The following AJAP1 variants were observed in gnomAD, a reference collection of about 807,000 sequenced individuals.
The protein encoded by AJAP1 is adherens junction-associated protein 1.
A neutral mutation model predicts 35.0 loss-of-function variants in AJAP1; 5 were observed. The ratio of observed to expected loss-of-function variants is 0.14; its 90% CI spans 0.07 to 0.30. The LOEUF (loss-of-function observed/expected upper bound fraction) is 0.30. Ranked by LOEUF, AJAP1 falls within the 10% of genes least tolerant of loss-of-function variation. AJAP1 has a pLI of 1.00. For missense variants in AJAP1, 586 were observed against 571.0 expected, an observed-to-expected ratio of 1.03 and a Z score of -0.27; for synonymous variants, 284 against 249.3, an observed-to-expected ratio of 1.14 and a Z score of -1.31.
chr1:4,681,596 G>T (rs1017434853), intron 1 of AJAP1, among the ~76,000 whole-genome samples: 2 of 152,266 alleles, frequency 1.3e-5, no homozygotes, highest in Admixed American at 6.5e-5. Context: ...GGGGCAGAGA[G>T]CACAGGCTTA....
At position 4,712,549 on chromosome 1, in the gene AJAP1, A is replaced by G. The variant is rs1184534020; in HGVS notation, c.679A>G (p.Thr227Ala). 1 of 1,611,784 alleles carries G rather than the reference A, an allele frequency of 6.2e-7. No individual in the cohort carries two copies. Among genetic ancestry groups the G allele is most frequent in the African/African-American group, 1.3e-5 (1 of 74,822 alleles). ...AATTTTTTTA[T>A]PMTLQTKGFT... is the part of the protein sequence containing the mutation. ...CACCACCACCACCACCACCACGGCC[A>G]CCCCCATGACGCTGCAGACTAAGGG... is the stretch of plus-strand genomic sequence containing the variant. Residue 227 changes from threonine (T) to alanine (A), a missense_variant, in exon 2 of 6, where the codon ACC becomes GCC. By Grantham distance (58) the Thr-to-Ala change is moderately conservative. Transcript: ENST00000378191.
intron 2 of AJAP1, among the ~76,000 whole-genome samples, chr1:4,765,836 T>C (rs1641671932): frequency 6.6e-6 from 1 of 152,156 alleles, no homozygotes; most frequent in Non-Finnish European, 1.5e-5. Flanking sequence ...TGGCTTCATA[T>C]GGACAAACCC....
At chr1:4,682,780 GATGAGGATAGTGGTAATGATGATA>G (rs1557606901) in intron 1 of AJAP1, among the ~76,000 whole-genome samples, 1 of 152,160 alleles carries the variant, frequency 6.6e-6, no homozygotes, top group African/African-American at 2.4e-5. Flanking sequence ...TGATGTTGGG[GATGAGGATAGTGGTAATGATGATA>G]ATGATGATAG....
At chr1:4,753,102 A>G (rs1641356539) in intron 2 of AJAP1, among the ~76,000 whole-genome samples, 2 of 152,160 alleles carry the variant, frequency 1.3e-5, no homozygotes, top group Non-Finnish European at 2.9e-5. Context: ...GGCGTTTTAT[A>G]TCATTGCTGC....
intron 4 of AJAP1, among the ~76,000 whole-genome samples, chr1:4,773,479 C>A (rs1641883668): frequency 6.6e-6 from 1 of 152,222 alleles, no homozygotes; most frequent in African/African-American, 2.4e-5. Flanking sequence ...GAAATACCTT[C>A]TGGCCACGCC....
intron 1 of AJAP1, among the ~76,000 whole-genome samples, chr1:4,677,253 T>C (rs918098613): frequency 6.6e-6 from 1 of 152,122 alleles, no homozygotes; most frequent in Non-Finnish European, 1.5e-5. Context: ...AAGTGACATG[T>C]GGCTGGGATG....
intron 1 of AJAP1, among the ~76,000 whole-genome samples, chr1:4,676,259 A>AT (rs1050529216): frequency 1.3e-5 from 2 of 151,806 alleles, no homozygotes; most frequent in Non-Finnish European, 2.9e-5. Flanking sequence ...CGCATTCTTT[A>AT]TTTTTTTTAA....
At chr1:4,713,623 C>T (rs3766954) in intron 2 of AJAP1, among the ~76,000 whole-genome samples, 27,636 of 152,210 alleles carry the variant, frequency 0.18, 2,974 homozygotes, top group East Asian at 0.29. Context: ...CTGGGCACCC[C>T]GTCACCCTCA....
chr1:4,663,767 T>G (rs1254907443), intron 1 of AJAP1, among the ~76,000 whole-genome samples: 1 of 152,150 alleles, frequency 6.6e-6, no homozygotes, highest in Non-Finnish European at 1.5e-5. Context: ...CGGTAGTTGC[T>G]TCTTCGAGCT....
chr1:4,767,876 G>A (rs868076427), intron 2 of AJAP1, among the ~76,000 whole-genome samples: 100 of 152,172 alleles, frequency 6.6e-4, no homozygotes, highest in Admixed American at 1.5e-3. Context: ...GACTGAACAG[G>A]CAACCCACCC....
chr1:4,721,775 A>G (rs1357186093), intron 2 of AJAP1, among the ~76,000 whole-genome samples: 1 of 152,186 alleles, frequency 6.6e-6, no homozygotes. Context: ...CGAGTTTGTG[A>G]TGGATTTTGT....
Position 4,787,506 on chromosome 1 carries a change from A to G in AJAP1, c.*5021A>G, listed in dbSNP as rs1029142989. ...GCCTTAGTCTTAGCTCTTGGATAAA[A>G]TGCAGTGCAGCACTGAAGATAAGAC... On this transcript the variant is annotated 3_prime_UTR_variant, in exon 6 of 6. Transcript: ENST00000378191. The G allele has an allele frequency of 1.8e-5, 6 of 334,006 alleles. No individual in the cohort carries two copies. The highest frequency in any genetic ancestry group is 4.1e-5 in the Admixed American group (1 of 24,312). The allele number at this position is 334,006 out of a possible 1,614,324, so 20.7% of individuals were successfully genotyped here. A position where few individuals can be genotyped will look rare whatever the true frequency, so the allele number is the denominator to read the frequency against.
intron 5 of AJAP1, among the ~76,000 whole-genome samples, chr1:4,778,154 T>C (rs1459131981): frequency 6.6e-6 from 1 of 152,192 alleles, no homozygotes; most frequent in East Asian, 1.9e-4. Flanking sequence ...AGAATCTCCT[T>C]CCAGGCAGCA....
At chr1:4,747,733 A>ATC (rs1570188569) in intron 2 of AJAP1, among the ~76,000 whole-genome samples, 1 of 152,100 alleles carries the variant, frequency 6.6e-6, no homozygotes, top group African/African-American at 2.4e-5. Flanking sequence ...CTCACCTGTA[A>ATC]TCCCAGCACT....
intron 2 of AJAP1, among the ~76,000 whole-genome samples, chr1:4,726,342 A>G (rs902695673): frequency 6.6e-6 from 1 of 152,168 alleles, no homozygotes; most frequent in Non-Finnish European, 1.5e-5. Flanking sequence ...TGCATGCGGT[A>G]TTCCAACATC....
At chr1:4,708,030 T>C (rs569221918) in intron 1 of AJAP1, among the ~76,000 whole-genome samples, 1 of 149,672 alleles carries the variant, frequency 6.7e-6, no homozygotes, top group East Asian at 2.0e-4. Flanking sequence ...TGCAGTGGCA[T>C]GATCTCGGCT....
At chr1:4,770,751 A>G (rs1204657305) in intron 3 of AJAP1, among the ~76,000 whole-genome samples, 1 of 152,206 alleles carries the variant, frequency 6.6e-6, no homozygotes, top group Non-Finnish European at 1.5e-5. Flanking sequence ...AGGGGAACAC[A>G]AGAAAGAGAG....
rs554566960 is a variant in AJAP1, at chr1:4,756,481, T to A, written c.830-13372T>A. On this transcript the variant is annotated intron_variant, in intron 2 of 5. Coordinates refer to ENST00000378191, the MANE Select transcript of AJAP1 (RefSeq NM_018836.4). ...AGTAATGCCCTCCTGGGTCAATGTC[T>A]CCCAAGCTAAGCTCTTTCTCTCCAA... 4.6e-5 allele frequency among the ~76,000 whole-genome samples: 7 copies of A among 152,278 alleles called. No homozygotes were observed. In the South Asian group the frequency reaches 1.5e-3, roughly 32 times the overall value.
intron 1 of AJAP1, among the ~76,000 whole-genome samples, chr1:4,677,404 A>G (rs11810730): frequency 0.081 from 12,284 of 152,104 alleles, 698 homozygotes; most frequent in East Asian, 0.22. Context: ...CCCTGTGTGT[A>G]CAGCTGCCCG....
Sources: allele counts gnomAD v4.1 joint callset (sites outside exome capture counted in the v4.1 genomes callset), GRCh38; gene constraint gnomAD v4.1.1; transcripts MANE v1.5; gene names NCBI Gene and HGNC (gene_info 2026-07-23, HGNC 2026-07-21).